Variants in ROBO2 observed in about 807,000 individuals in gnomAD.
ROBO2 encodes roundabout guidance receptor 2, also known as roundabout homolog 2.
A neutral mutation model predicts 160.8 loss-of-function variants in ROBO2; 53 were observed. The ratio of observed to expected loss-of-function variants is 0.33; its 90% CI spans 0.26 to 0.41. The LOEUF (loss-of-function observed/expected upper bound fraction) is 0.41. Among genes scored for constraint, ROBO2 ranks in the 10% least tolerant of loss-of-function variants. ROBO2 has a pLI of 1.00. For synonymous variants in ROBO2, 664 were observed against 611.7 expected, an observed-to-expected ratio of 1.09 and a Z score of -1.26; for missense variants, 1,577 against 1,722.4, an observed-to-expected ratio of 0.92 and a Z score of 1.49.
At chr3:76,863,315 C>A (rs2070999472) in intron 2 of ROBO2, among the ~76,000 whole-genome samples, 1 of 151,718 alleles carries the variant, frequency 6.6e-6, no homozygotes, top group Non-Finnish European at 1.5e-5. Flanking sequence ...TAAGATGGTA[C>A]TCTCCTGTTA....
chr3:76,295,790 C>T (rs145087699), intron 2 of ROBO2, among the ~76,000 whole-genome samples: 251 of 152,194 alleles, frequency 1.6e-3, no homozygotes, highest in African/African-American at 5.7e-3. Context: ...AATTATCTAA[C>T]GTCCCTGAGC....
At chr3:77,033,763 A>T (rs569752380) in intron 2 of ROBO2, among the ~76,000 whole-genome samples, 6 of 152,282 alleles carry the variant, frequency 3.9e-5, no homozygotes, top group Admixed American at 6.5e-5. Context: ...AATTTTTCAC[A>T]TTGCTAAAAA....
At chr3:77,278,043 A>G (rs531693224) in intron 2 of ROBO2, among the ~76,000 whole-genome samples, 77 of 152,296 alleles carry the variant, frequency 5.1e-4, no homozygotes, top group African/African-American at 1.8e-3. Flanking sequence ...TTGATTTGCA[A>G]GGAAATGCAG....
At chr3:76,640,845 A>G (rs553485625) in intron 2 of ROBO2, among the ~76,000 whole-genome samples, 12 of 152,316 alleles carry the variant, frequency 7.9e-5, no homozygotes, top group African/African-American at 2.9e-4. Flanking sequence ...AAAAAGAATC[A>G]AGATAAGTAA....
At chr3:77,564,922 T>C in intron 11 of ROBO2, 32 bp from the exon 13 acceptor site, 1 of 1,607,038 alleles carries the variant, frequency 6.2e-7, no homozygotes, top group South Asian at 1.1e-5. Flanking sequence ...CAAATGACTG[T>C]TCTTTAAATG....
chr3:75,922,783 T>C (rs956788442), intron 1 of ROBO2, among the ~76,000 whole-genome samples: 1 of 152,190 alleles, frequency 6.6e-6, no homozygotes, highest in African/African-American at 2.4e-5. Flanking sequence ...ATTTTGAAAA[T>C]GTTTAAAGAA....
chr3:77,599,021 G>C (rs974140160), intron 19 of ROBO2, among the ~76,000 whole-genome samples: 1 of 151,938 alleles, frequency 6.6e-6, no homozygotes, highest in Non-Finnish European at 1.5e-5. Flanking sequence ...TTAACAAAAG[G>C]GTACACCTGG....
intron 2 of ROBO2, among the ~76,000 whole-genome samples, chr3:76,366,841 A>G (rs780051626): frequency 6.6e-6 from 1 of 151,966 alleles, no homozygotes; most frequent in African/African-American, 2.4e-5. Flanking sequence ...TAAAAGGGCA[A>G]TTCAGCCCAA....
At chr3:76,847,854 T>G (rs1406377063) in intron 2 of ROBO2, among the ~76,000 whole-genome samples, 1 of 152,152 alleles carries the variant, frequency 6.6e-6, no homozygotes, top group Non-Finnish European at 1.5e-5. Context: ...TGTAATTTAT[T>G]CTGACATTAT....
chr3:76,432,911 A>G (rs551827276), intron 2 of ROBO2, among the ~76,000 whole-genome samples: 18 of 151,786 alleles, frequency 1.2e-4, no homozygotes, highest in Non-Finnish European at 2.2e-4. Context: ...GAGGGAGAAA[A>G]AGATGGGAGG....
Position 76,801,989 on chromosome 3 carries a change from A to G in ROBO2, c.110-296025A>G, listed in dbSNP as rs184079712. On this transcript the variant is annotated intron_variant, in intron 2 of 26. Transcript: ENST00000487694. ...GGCTGGTCAGAGGAGAAGTCAGAACACACACCTGTATTGATTAAGTTTACT... is the reference window on the plus strand; with the variant it reads ...GGCTGGTCAGAGGAGAAGTCAGAACGCACACCTGTATTGATTAAGTTTACT... Among the ~76,000 whole-genome samples, 6 of 152,298 alleles carry G rather than the reference A, an allele frequency of 3.9e-5. No homozygotes were observed. The East Asian group carries it at 7.7e-4, about 20-fold the overall frequency.
At chr3:76,554,701 C>T (rs1412361477) in intron 2 of ROBO2, among the ~76,000 whole-genome samples, 1 of 152,022 alleles carries the variant, frequency 6.6e-6, no homozygotes, top group Non-Finnish European at 1.5e-5. Context: ...AGGGAAACTG[C>T]TTCTATATAA....
intron 2 of ROBO2, among the ~76,000 whole-genome samples, chr3:76,968,441 G>A (rs1234146419): frequency 1.3e-5 from 2 of 151,942 alleles, no homozygotes; most frequent in Non-Finnish European, 2.9e-5. Flanking sequence ...AATAATATAA[G>A]CTCCTTTTAG....
At chr3:76,605,982 C>T (rs917897863) in intron 2 of ROBO2, among the ~76,000 whole-genome samples, 2 of 152,056 alleles carry the variant, frequency 1.3e-5, no homozygotes, top group African/African-American at 4.8e-5. Context: ...TGGAGGAAAG[C>T]CAAGCTAGAT....
chr3:76,524,826 TAAAAAAAAAAAAAAAA>T (rs58091252), intron 2 of ROBO2, among the ~76,000 whole-genome samples: 17 of 21,738 alleles, frequency 7.8e-4, no homozygotes, highest in South Asian at 4.8e-3. Context: ...CTCTTATTCC[TAAAAAAAAAAAAAAAA>T]AAAAAAAAAA....
chr3:75,986,635 G>A (rs2107483060), intron 2 of ROBO2, among the ~76,000 whole-genome samples: 1 of 151,462 alleles, frequency 6.6e-6, no homozygotes, highest in South Asian at 2.1e-4. Flanking sequence ...ATGTTGTGAA[G>A]CTTTTGTTCT....
intron 2 of ROBO2, among the ~76,000 whole-genome samples, chr3:76,000,628 A>G (rs2065859907): frequency 6.6e-6 from 1 of 151,644 alleles, no homozygotes; most frequent in Non-Finnish European, 1.5e-5. Context: ...AGCTGGGACT[A>G]CAGGTGCCTG....
At chr3:77,505,926 T>A (rs964004848) in intron 5 of ROBO2, among the ~76,000 whole-genome samples, 6 of 152,196 alleles carry the variant, frequency 3.9e-5, no homozygotes, top group Non-Finnish European at 7.3e-5. Context: ...CTAATTTTAT[T>A]TTAAGGGCTC....
chr3:77,401,550 A>G (rs1052657033), intron 2 of ROBO2, among the ~76,000 whole-genome samples: 2 of 151,996 alleles, frequency 1.3e-5, no homozygotes, highest in African/African-American at 4.8e-5. Context: ...TGGGCTGGTA[A>G]AAAGGGTATG....
Sources: allele counts gnomAD v4.1 joint callset (sites outside exome capture counted in the v4.1 genomes callset), GRCh38; gene constraint gnomAD v4.1.1; transcripts MANE v1.5; gene names NCBI Gene and HGNC (gene_info 2026-07-23, HGNC 2026-07-21).